The following RBFOX1 variants were observed in gnomAD, a reference collection of about 807,000 sequenced individuals.
RBFOX1 encodes the protein RNA binding fox-1 homolog 1.
A neutral mutation model predicts 57.7 loss-of-function variants in RBFOX1; 8 were observed. The ratio of observed to expected loss-of-function variants is 0.14; its 90% CI spans 0.08 to 0.25. The LOEUF is 0.25. Ranked by LOEUF, RBFOX1 falls within the 10% of genes least tolerant of loss-of-function variation. RBFOX1 has a pLI of 1.00. For missense variants in RBFOX1, 611 were observed against 548.5 expected, an observed-to-expected ratio of 1.11 and a Z score of -1.14; for synonymous variants, 326 against 222.4, an observed-to-expected ratio of 1.47 and a Z score of -4.15.
intron 3 of RBFOX1, among the ~76,000 whole-genome samples, chr16:7,023,873 C>G (rs2040089676): frequency 1.3e-5 from 2 of 152,230 alleles, no homozygotes; most frequent in Admixed American, 6.5e-5. Flanking sequence ...ATATTTCCCA[C>G]AGGATCAAAG....
intron 3 of RBFOX1, among the ~76,000 whole-genome samples, chr16:6,787,119 C>G (rs980951545): frequency 2.0e-5 from 3 of 152,106 alleles, no homozygotes; most frequent in Non-Finnish European, 4.4e-5. Flanking sequence ...CAATGATTTC[C>G]TGCCCCAATT....
At chr16:7,052,177 A>T in intron 4 of RBFOX1, 79 bp downstream of exon 4, 3 of 1,539,998 alleles carry the variant, frequency 1.9e-6, no homozygotes, top group Non-Finnish European at 2.6e-6. Flanking sequence ...CTCTCCCAAG[A>T]CACGGGTTCT....
chr16:6,176,644 T>C (rs2097013069), intron 1 of RBFOX1, among the ~76,000 whole-genome samples: 1 of 152,184 alleles, frequency 6.6e-6, no homozygotes, highest in Admixed American at 6.5e-5. Flanking sequence ...ATAACAATTA[T>C]TGTTATGAGT....
At chr16:5,329,321 T>C (rs548386887) in intron 1 of RBFOX1, among the ~76,000 whole-genome samples, 2 of 151,810 alleles carry the variant, frequency 1.3e-5, no homozygotes, top group African/African-American at 4.8e-5. Context: ...TGGTGGAAGG[T>C]GAAGGGGAAG....
At position 6,895,418 on chromosome 16, in the gene RBFOX1, ATGTGTGTGTGTG is replaced by A. The variant is rs139075559; in HGVS notation, c.-15-156619_-15-156608del. Among the ~76,000 whole-genome samples, 465 of 86,916 alleles carry A rather than the reference ATGTGTGTGTGTG, an allele frequency of 5.3e-3. 13 individuals carry two copies. Among genetic ancestry groups the A allele is most frequent in the Middle Eastern group, 7.6e-3 (1 of 132 alleles). The allele number at this position is 86,916 out of a possible 152,430, so 57.0% of individuals were successfully genotyped here. ...CTCAGCCACTAGTTGTTAGTAATAT[ATGTGTGTGTGTG>A]TGTGTGTGTGTGTGTGTGTATATAT... is the stretch of plus-strand genomic sequence containing the variant. On this transcript the variant is annotated intron_variant, in intron 3 of 15. Transcript: ENST00000550418.
At chr16:6,506,730 T>A (rs959799638) in intron 2 of RBFOX1, among the ~76,000 whole-genome samples, 1 of 140,312 alleles carries the variant, frequency 7.1e-6, no homozygotes, top group Non-Finnish European at 1.5e-5. Context: ...TTACCGCAAC[T>A]TCTGCCTCCA....
intron 3 of RBFOX1, among the ~76,000 whole-genome samples, chr16:6,767,953 GAAGAAGAAGAA>G (rs1418719506): frequency 4.4e-5 from 4 of 91,630 alleles, no homozygotes; most frequent in South Asian, 3.4e-4. Context: ...ATAATAAGAA[GAAGAAGAAGAA>G]GAAGAAGAAG....
At chr16:7,206,066 C>T (rs8061825) in intron 4 of RBFOX1, among the ~76,000 whole-genome samples, 62,256 of 152,038 alleles carry the variant, frequency 0.41, 13,222 homozygotes, top group African/African-American at 0.46. Flanking sequence ...TAGACTGACA[C>T]TAGGAACTCA....
chr16:7,102,068 G>T (rs1180607405), intron 4 of RBFOX1, among the ~76,000 whole-genome samples: 1 of 152,122 alleles, frequency 6.6e-6, no homozygotes, highest in Non-Finnish European at 1.5e-5. Context: ...CCACCCAGAG[G>T]AGGGTGCTTT....
At chr16:6,055,695 A>G (rs2095606809) in intron 1 of RBFOX1, among the ~76,000 whole-genome samples, 1 of 152,032 alleles carries the variant, frequency 6.6e-6, no homozygotes, top group Admixed American at 6.6e-5. Context: ...AAGTGAAATC[A>G]TTGCGATAAG....
At chr16:6,716,512 T>C (rs1568332458) in intron 3 of RBFOX1, among the ~76,000 whole-genome samples, 1 of 152,250 alleles carries the variant, frequency 6.6e-6, no homozygotes, top group Non-Finnish European at 1.5e-5. Context: ...GCAACTAAAA[T>C]CTGTTTGCTT....
intron 4 of RBFOX1, among the ~76,000 whole-genome samples, chr16:7,385,096 A>G (rs4787009): frequency 0.68 from 103,233 of 152,182 alleles, 35,598 homozygotes; most frequent in East Asian, 0.84. Flanking sequence ...TGGAAAATAG[A>G]GAGAGGGGCA....
At chr16:6,261,133 A>G (rs1598922735) in intron 1 of RBFOX1, among the ~76,000 whole-genome samples, 1 of 152,164 alleles carries the variant, frequency 6.6e-6, no homozygotes, top group Non-Finnish European at 1.5e-5. Flanking sequence ...AACCCCACAA[A>G]TTACAGTCAC....
rs533529387 is a variant in RBFOX1, at chr16:6,701,047, G to C, written c.-16+46397G>C. On this transcript the variant is annotated intron_variant, in intron 3 of 15. Coordinates refer to ENST00000550418, the MANE Select transcript of RBFOX1 (RefSeq NM_018723.4). ...CAGAGTTGGGCAGAGGGGGGGGTGA[G>C]TCAGACTATGATGTGAGCCTGGAAA... is the stretch of plus-strand genomic sequence containing the variant. Among the ~76,000 whole-genome samples the C allele has an allele frequency of 2.9e-4, 44 of 152,172 alleles. 1 individual carries two copies. Among genetic ancestry groups the C allele is most frequent in the African/African-American group, 1.0e-3 (43 of 41,506 alleles).
rs183324263 is a variant in RBFOX1, at chr16:5,750,180, G to A, written c.319-117123G>A. Among the ~76,000 whole-genome samples the A allele has an allele frequency of 1.7e-3, 266 of 152,262 alleles. 2 individuals are homozygous for A. Among genetic ancestry groups the A allele is most frequent in the African/African-American group, 6.2e-3 (259 of 41,566 alleles). ...TCAGCAGCAGAGGCTGCAGAACAGC[G>A]AATATTTCTGAACAGCAAATGTTGC... is the stretch of plus-strand genomic sequence containing the variant. On this transcript the variant is annotated intron_variant, in intron 3 of 19. Coordinates refer to the RBFOX1 transcript ENST00000641259.
chr16:5,376,899 C>T (rs186635507), intron 1 of RBFOX1, among the ~76,000 whole-genome samples: 9 of 149,560 alleles, frequency 6.0e-5, no homozygotes, highest in Admixed American at 5.3e-4. Flanking sequence ...TGGGACTAGG[C>T]CCCTGTTGCC....
Position 7,186,786 on chromosome 16 carries a change from T to A in RBFOX1, c.27+134688T>A, listed in dbSNP as rs563686929. Among the ~76,000 whole-genome samples the A allele has an allele frequency of 1.5e-4, 22 of 151,222 alleles. No homozygotes were observed. In the East Asian group the frequency reaches 4.1e-3, roughly 28 times the overall value. On this transcript the variant is annotated intron_variant, in intron 4 of 15. Coordinates refer to ENST00000550418, the MANE Select transcript of RBFOX1 (RefSeq NM_018723.4). ...AACTAACAGCATTAACTTAAATCTA[T>A]CCTGCCATCAAGTATCCAGTCTGTA...
chr16:5,343,298 GTTTTTTTT>G (rs33934959), intron 1 of RBFOX1, among the ~76,000 whole-genome samples: 3 of 109,964 alleles, frequency 2.7e-5, no homozygotes, highest in African/African-American at 6.7e-5. Context: ...CTTCTTTGAA[GTTTTTTTT>G]TTTTTTTTTT....
At chr16:7,475,928 C>T (rs1187145071) in intron 4 of RBFOX1, among the ~76,000 whole-genome samples, 6 of 152,160 alleles carry the variant, frequency 3.9e-5, no homozygotes, top group Non-Finnish European at 8.8e-5. Flanking sequence ...GTGTAGTAAC[C>T]TGCAGAAGAG....
Sources: allele counts gnomAD v4.1 joint callset (sites outside exome capture counted in the v4.1 genomes callset), GRCh38; gene constraint gnomAD v4.1.1; transcripts MANE v1.5; gene names NCBI Gene and HGNC (gene_info 2026-07-23, HGNC 2026-07-21).